Variants in GAS2 observed in about 807,000 individuals in gnomAD.
GAS2 encodes the protein growth arrest specific 2.
Under a neutral mutation model 37.5 loss-of-function variants are expected in GAS2, and 20 were observed. The ratio of observed to expected loss-of-function variants is 0.53; its 90% CI spans 0.37 to 0.77. GAS2 has a LOEUF of 0.77. GAS2 is among the 30% of genes least tolerant of loss of function. The probability of loss-of-function intolerance (pLI) is 0.00; values close to 1 mark genes in which losing one functional copy is unlikely to be tolerated. For missense variants in GAS2, 336 were observed against 373.4 expected (o/e 0.90, Z 0.82); for synonymous variants, 144 against 132.2 (o/e 1.09, Z -0.61).
intron 3 of GAS2, among the ~76,000 whole-genome samples, chr11:22,695,771 G>T (rs1411804632): frequency 6.6e-6 from 1 of 152,074 alleles, no homozygotes; most frequent in Non-Finnish European, 1.5e-5. Context: ...AAACAAATTT[G>T]AAATAAAGAA....
chr11:22,744,616 A>T (rs372389780), intron 5 of GAS2, among the ~76,000 whole-genome samples: 79 of 152,222 alleles, frequency 5.2e-4, no homozygotes, highest in African/African-American at 1.6e-3. Context: ...GATAAAAAAA[A>T]CCCTCAACTA....
intron 1 of GAS2, among the ~76,000 whole-genome samples, chr11:22,659,872 TGGAG>T (rs1296654084): frequency 3.1e-5 from 3 of 97,928 alleles, no homozygotes; most frequent in East Asian, 2.9e-4. Flanking sequence ...AAGGAAAAAA[TGGAG>T]GGAGGAAGGA....
intron 3 of GAS2, among the ~76,000 whole-genome samples, chr11:22,714,714 C>G (rs986588540): frequency 2.0e-5 from 3 of 152,194 alleles, no homozygotes; most frequent in South Asian, 2.1e-4. Context: ...CAAATAGAAC[C>G]CTTAAAGCTA....
chr11:22,644,612 C>T (rs1032339301), intron 1 of GAS2, among the ~76,000 whole-genome samples: 2 of 152,086 alleles, frequency 1.3e-5, no homozygotes, highest in African/African-American at 4.8e-5. Flanking sequence ...AGCTCCTACT[C>T]GTTGATTTTG....
At chr11:22,696,583 T>C (rs1348281118) in intron 3 of GAS2, among the ~76,000 whole-genome samples, 1 of 152,120 alleles carries the variant, frequency 6.6e-6, no homozygotes, top group East Asian at 1.9e-4. Flanking sequence ...TTCCTACTTC[T>C]CCATATCCTC....
intron 3 of GAS2, chr11:22,702,706 A>G (rs562822239): frequency 2.3e-4 from 35 of 152,226 alleles, no homozygotes; most frequent in African/African-American, 7.9e-4. Flanking sequence ...CATTTCCCCA[A>G]TCTTAATGTT....
chr11:22,719,997 A>C (rs535857075), intron 3 of GAS2, among the ~76,000 whole-genome samples: 41 of 152,146 alleles, frequency 2.7e-4, no homozygotes, highest in South Asian at 1.9e-3. Context: ...TTTGAGGACT[A>C]GGTTTGACCT....
chr11:22,777,195 A>G (rs1855302968), intron 7 of GAS2, among the ~76,000 whole-genome samples: 1 of 152,172 alleles, frequency 6.6e-6, no homozygotes, highest in African/African-American at 2.4e-5. Context: ...AAGCCATACA[A>G]CAAATTAAAG....
intron 1 of GAS2, among the ~76,000 whole-genome samples, chr11:22,643,111 GA>G (rs954520549): frequency 2.0e-5 from 3 of 151,776 alleles, no homozygotes; most frequent in African/African-American, 7.3e-5. Flanking sequence ...TGAATAATGG[GA>G]AAAGTATAAA....
intron 6 of GAS2, among the ~76,000 whole-genome samples, chr11:22,753,224 A>G (rs1274773184): frequency 1.3e-5 from 2 of 152,054 alleles, no homozygotes; most frequent in African/African-American, 2.4e-5. Context: ...AGGTAATGTA[A>G]GAAGCACAGA....
intron 3 of GAS2, among the ~76,000 whole-genome samples, chr11:22,703,742 C>T (rs983942239): frequency 6.6e-6 from 1 of 152,094 alleles, no homozygotes; most frequent in Non-Finnish European, 1.5e-5. Context: ...AGCTCTTCAA[C>T]TGTATCTTAA....
intron 7 of GAS2, among the ~76,000 whole-genome samples, chr11:22,809,597 C>G (rs557746643): frequency 6.6e-6 from 1 of 151,906 alleles, no homozygotes; most frequent in Admixed American, 6.6e-5. Context: ...AAGCAATTCT[C>G]CTGTCTCAGC....
At chr11:22,778,064 T>C (rs1855355973) in intron 7 of GAS2, among the ~76,000 whole-genome samples, 1 of 152,166 alleles carries the variant, frequency 6.6e-6, no homozygotes, top group African/African-American at 2.4e-5. Flanking sequence ...AAGAAGAAAC[T>C]AGAATTTTGA....
At chr11:22,737,094 A>C (rs1037867158) in intron 4 of GAS2, among the ~76,000 whole-genome samples, 3 of 152,198 alleles carry the variant, frequency 2.0e-5, no homozygotes, top group Admixed American at 2.0e-4. Flanking sequence ...GCATTGGTAC[A>C]TATTTCCAAA....
chr11:22,802,832 T>A (rs1856727603), intron 7 of GAS2, among the ~76,000 whole-genome samples: 1 of 152,146 alleles, frequency 6.6e-6, no homozygotes, highest in Admixed American at 6.6e-5. Context: ...AATACAGATT[T>A]TTACTGTACT....
chr11:22,698,045 A>T (rs1850626882), intron 3 of GAS2, among the ~76,000 whole-genome samples: 1 of 152,178 alleles, frequency 6.6e-6, no homozygotes. Flanking sequence ...GAATGCTTCC[A>T]GTTTTTGCCC....
chr11:22,658,058 C>T (rs1246701247), intron 1 of GAS2, among the ~76,000 whole-genome samples: 1 of 150,140 alleles, frequency 6.7e-6, no homozygotes, highest in Non-Finnish European at 1.5e-5. Context: ...ATGGAGCTCA[C>T]TCTGTCACCC....
intron 3 of GAS2, among the ~76,000 whole-genome samples, chr11:22,689,020 G>A (rs1360585245): frequency 6.6e-6 from 1 of 152,102 alleles, no homozygotes; most frequent in Non-Finnish European, 1.5e-5. Flanking sequence ...ATTATCTTAA[G>A]CAAGTTAATG....
chr11:22,676,567 T>C (rs1297431902), intron 2 of GAS2, among the ~76,000 whole-genome samples: 1 of 152,146 alleles, frequency 6.6e-6, no homozygotes, highest in Admixed American at 6.5e-5. Flanking sequence ...GTGGTAATAA[T>C]AGTAGTAACT....
Sources: gnomAD v4.1 joint callset for allele counts (sites outside exome capture counted in the v4.1 genomes callset) on GRCh38, gnomAD v4.1.1 for gene constraint, MANE v1.5 for transcripts, NCBI Gene and HGNC (gene_info 2026-07-23, HGNC 2026-07-21) for gene names.